KLF15: variants seen among roughly 807,000 people sequenced by gnomAD.
KLF15 encodes Krueppel-like factor 15.
Under a neutral mutation model 24.6 loss-of-function variants are expected in KLF15, and 4 were observed. The ratio of observed to expected loss-of-function variants is 0.16; its 90% CI spans 0.08 to 0.37. The LOEUF (loss-of-function observed/expected upper bound fraction) is 0.37, where lower values mean the gene tolerates loss of function less well. Ranked by LOEUF, KLF15 falls within the 10% of genes least tolerant of loss-of-function variation. The pLI is 1.00. For synonymous variants in KLF15, 246 were observed against 236.3 expected (o/e 1.04, Z -0.37); for missense variants, 496 against 560.6 (o/e 0.88, Z 1.16).
chr3:126,306,724 G>A, the KLF15 span, among the ~76,000 whole-genome samples: 79 of 152,346 alleles, frequency 5.2e-4, no homozygotes, highest in African/African-American at 1.7e-3. Context: ...CTTTGGGAGC[G>A]AGAGGCCCAC....
In KLF15 at chr3:126,343,461, G is replaced by GGAAGGCGC; in HGVS notation, c.*265_*266insGCGCCTTC. ...CTGCAGCAGAGGCCTGGCCACCGCG[G>GGAAGGCGC]GAAGGCACGAAGGCACGAAGGCACG... is the stretch of plus-strand genomic sequence containing the variant. On this transcript the variant is annotated 3_prime_UTR_variant, in exon 3 of 3. Coordinates refer to ENST00000296233, the MANE Select transcript of KLF15 (RefSeq NM_014079.4). The GGAAGGCGC allele has an allele frequency of 2.3e-6, 1 of 426,198 alleles. No homozygotes were observed. The highest frequency in any genetic ancestry group is 4.9e-5 in the East Asian group (1 of 20,266). 26.4% of individuals were successfully genotyped at this position (426,198 alleles called of 1,614,324 possible). A position where few individuals can be genotyped will look rare whatever the true frequency, so the allele number is the denominator to read the frequency against.
intron 1 of KLF15, 24 bp from the exon 2 acceptor site, chr3:126,352,971 C>T (rs1362126167): frequency 1.3e-6 from 2 of 1,557,542 alleles, no homozygotes; most frequent in Middle Eastern, 1.7e-4. Context: ...ACACAGGAGG[C>T]CTGGTCAGAA....
chr3:126,338,641 C>A (rs1220361269), downstream of KLF15, among the ~76,000 whole-genome samples: 1 of 152,194 alleles, frequency 6.6e-6, no homozygotes, highest in African/African-American at 2.4e-5. Flanking sequence ...ACTTTCACAT[C>A]GCAAATTTCT....
At chr3:126,292,992 A>G in the KLF15 span, among the ~76,000 whole-genome samples, 1 of 151,982 alleles carries the variant, frequency 6.6e-6, no homozygotes, top group East Asian at 1.9e-4. Context: ...CAAACAGGAG[A>G]GCATGAAAGA....
the KLF15 span, among the ~76,000 whole-genome samples, chr3:126,331,935 C>T: frequency 2.7e-3 from 415 of 152,320 alleles, 1 homozygote; most frequent in African/African-American, 9.5e-3. Flanking sequence ...CACGGAATCT[C>T]ACTGACTGCT....
At chr3:126,357,175 A>G (rs921219209) in intron 1 of KLF15, 62 bp downstream of exon 1, 6 of 149,500 alleles carry the variant, frequency 4.0e-5, no homozygotes, top group African/African-American at 1.5e-4. Flanking sequence ...GAGGCCGGCC[A>G]GCCCTCTGAT....
chr3:126,354,200 C>T (rs2107559212), intron 1 of KLF15: 1 of 152,394 alleles, frequency 6.6e-6, no homozygotes, highest in East Asian at 1.9e-4. Context: ...CAAGGAGAGT[C>T]AATAGTGTCC....
At chr3:126,321,394 G>A in the KLF15 span, among the ~76,000 whole-genome samples, 3 of 152,358 alleles carry the variant, frequency 2.0e-5, no homozygotes, top group African/African-American at 2.4e-5. Context: ...TGGGGAGGAG[G>A]TGGGGCTGAG....
chr3:126,345,727 G>A (rs2082530546), intron 2 of KLF15, among the ~76,000 whole-genome samples: 2 of 152,160 alleles, frequency 1.3e-5, no homozygotes, highest in East Asian at 1.9e-4. Flanking sequence ...ATGCCCTGGC[G>A]CCCTGACCCT....
Position 126,352,703 on chromosome 3 carries a change from C to T in KLF15, c.220G>A (p.Asp74Asn). The change falls in exon 2 of 3, where the codon GAC becomes AAC. Residue 74 changes from aspartate (D) to asparagine (N), a missense_variant. By Grantham distance (23) the Asp-to-Asn change is conservative. Around this residue, in one of 3 missense-constraint regions of KLF15, gnomAD observed 399 missense variants for 423.1 expected, o/e 0.94. Transcript: ENST00000296233. Reference sequence around the variant, plus strand: ...GACAATAGGAAGTCCAAGATGCTGTCCTGGCTCTCGGTGCCCAGGCCTCCA... The same window carrying T: ...GACAATAGGAAGTCCAAGATGCTGTTCTGGCTCTCGGTGCCCAGGCCTCCA... ...YGGGLGTESQ[D>N]SILDFLLSQA... 6.3e-7 allele frequency: 1 copy of T among 1,585,972 alleles called. No homozygotes were observed. The highest frequency in any genetic ancestry group is 8.6e-7 in the Non-Finnish European group (1 of 1,166,360).
chr3:126,348,058 G>A (rs2082549531), intron 2 of KLF15, among the ~76,000 whole-genome samples: 1 of 151,956 alleles, frequency 6.6e-6, no homozygotes, highest in Non-Finnish European at 1.5e-5. Flanking sequence ...AGACCAGGCT[G>A]AGCTGCAGAT....
the KLF15 span, among the ~76,000 whole-genome samples, chr3:126,290,447 A>T: frequency 2.0e-5 from 3 of 151,856 alleles, no homozygotes; most frequent in Non-Finnish European, 2.9e-5. Flanking sequence ...GTTATTTCTG[A>T]CCTATACTAC....
the KLF15 span, among the ~76,000 whole-genome samples, chr3:126,336,523 T>G: frequency 1.3e-5 from 1 of 76,432 alleles, no homozygotes; most frequent in Non-Finnish European, 2.6e-5. Flanking sequence ...GGGCAAGGAC[T>G]TCATGTCCAA....
In KLF15 at chr3:126,356,746, C is replaced by T. The variant is rs1239920399; in HGVS notation, c.-26+491G>A. On this transcript the variant is annotated intron_variant, in intron 1 of 2. Transcript: ENST00000296233. The surrounding 1 kb of genome is among the most constrained non-coding windows in gnomAD (Gnocchi z 4.4). Reference sequence around the variant, plus strand: ...GAAATGAAGAGAGCCGGCTCAGACCCCTTCTAGAGTCCTGGACCGCTGCCC... The same window carrying T: ...GAAATGAAGAGAGCCGGCTCAGACCTCTTCTAGAGTCCTGGACCGCTGCCC... 6.6e-6 allele frequency among the ~76,000 whole-genome samples: 1 copy of T among 152,050 alleles called. No individual in the cohort carries two copies. Among genetic ancestry groups the T allele is most frequent in the East Asian group, 1.9e-4 (1 of 5,134 alleles).
the KLF15 span, among the ~76,000 whole-genome samples, chr3:126,334,176 A>T: frequency 6.6e-6 from 1 of 152,188 alleles, no homozygotes; most frequent in East Asian, 1.9e-4. Flanking sequence ...TTGGAAGCAA[A>T]GCTCTCCTCA....
the KLF15 span, among the ~76,000 whole-genome samples, chr3:126,295,275 T>C: frequency 6.6e-6 from 1 of 152,172 alleles, no homozygotes; most frequent in Non-Finnish European, 1.5e-5. Context: ...AGCCTACTGG[T>C]CCTTACAACA....
chr3:126,308,463 T>C, the KLF15 span, among the ~76,000 whole-genome samples: 1 of 152,074 alleles, frequency 6.6e-6, no homozygotes, highest in Non-Finnish European at 1.5e-5. Flanking sequence ...GACCACCTCA[T>C]TCCAGCTGAG....
chr3:126,308,915 G>A, the KLF15 span, among the ~76,000 whole-genome samples: 1 of 152,232 alleles, frequency 6.6e-6, no homozygotes, highest in South Asian at 2.1e-4. Flanking sequence ...AGGAAGCCAA[G>A]CTGAGGTTGT....
chr3:126,337,807 T>C (rs111247652), downstream of KLF15, among the ~76,000 whole-genome samples: 2,091 of 152,274 alleles, frequency 0.014, 51 homozygotes, highest in African/African-American at 0.047. Context: ...GTACTATTAT[T>C]ATCATCCCTT....
Sources: gnomAD v4.1 joint callset for allele counts (sites outside exome capture counted in the v4.1 genomes callset) on GRCh38, gnomAD v4.1.1 for gene constraint, gnomAD v4.1.1 regional missense constraint, Gnocchi (gnomAD v3.1) non-coding constraint, MANE v1.5 for transcripts, NCBI Gene and HGNC (gene_info 2026-07-23, HGNC 2026-07-21) for gene names.